The following TMEM68 variants were observed in gnomAD, a reference collection of about 807,000 sequenced individuals.
TMEM68 encodes DGAT1/2-independent enzyme synthesizing storage lipids.
Under a neutral mutation model 36.9 loss-of-function variants are expected in TMEM68, and 25 were observed. The ratio of observed to expected loss-of-function variants is 0.68; its 90% CI spans 0.49 to 0.95. TMEM68 has a LOEUF of 0.95. TMEM68 is among the 40% of genes least tolerant of loss of function. The probability of loss-of-function intolerance (pLI) is 0.00; values close to 1 mark genes in which losing one functional copy is unlikely to be tolerated. For synonymous variants in TMEM68, 131 were observed against 124.4 expected, an observed-to-expected ratio of 1.05 and a Z score of -0.35; for missense variants, 333 against 392.0, an observed-to-expected ratio of 0.85 and a Z score of 1.27.
In TMEM68 at chr8:55,768,638, G is replaced by A. The variant is rs111559060; in HGVS notation, c.-115+4631C>T. Among the ~76,000 whole-genome samples the A allele has an allele frequency of 5.9e-3, 890 of 152,050 alleles. 10 individuals are homozygous for A. The highest frequency in any genetic ancestry group is 0.02 in the African/African-American group (817 of 41,456). On this transcript the variant is annotated intron_variant, in intron 1 of 7. Coordinates refer to ENST00000434581, the MANE Select transcript of TMEM68 (RefSeq NM_001286657.2). Reference sequence around the variant, plus strand: ...GTAGGGGCAGATCACTTGAGGCCAGGAGTTCAAGACCAGCCTGGGCAACAC... The same window carrying A: ...GTAGGGGCAGATCACTTGAGGCCAGAAGTTCAAGACCAGCCTGGGCAACAC...
intron 1 of TMEM68, among the ~76,000 whole-genome samples, chr8:55,770,922 G>A (rs1282343559): frequency 2.0e-5 from 3 of 152,266 alleles, no homozygotes; most frequent in African/African-American, 7.2e-5. Context: ...TTGCGAAGCA[G>A]CGGCAGGAGG....
intron 3 of TMEM68, chr8:55,761,015 TTTAAATAATAAACAA>T (rs1351238532): frequency 6.6e-6 from 1 of 152,214 alleles, no homozygotes; most frequent in Non-Finnish European, 1.5e-5. Flanking sequence ...AGAGTATTTT[TTTAAATAATAAACAA>T]TTGAACTACT....
chr8:55,751,129 A>G lies in TMEM68; in HGVS notation c.522T>C (p.Cys174=), dbSNP rs746535948. The change falls in exon 5 of 8, where the codon TGT becomes TGC. Residue 174 remains cysteine, a synonymous_variant. Coordinates refer to ENST00000434581, the MANE Select transcript of TMEM68 (RefSeq NM_001286657.2). ...ATTTTTCTCTTGGTCCATGTAGAGC[A>G]CAAAACACATCCAGTAATAAACTAA... ...PGFSLLLDVF[C]ALHGPREKCV... 6.2e-7 allele frequency: 1 copy of G among 1,610,414 alleles called. No homozygotes were observed. The highest frequency in any genetic ancestry group is 1.1e-5 in the South Asian group (1 of 90,502).
rs553907980 is a variant in TMEM68 at position 55,762,422 on chromosome 8, T to A, written c.325+213A>T. On this transcript the variant is annotated intron_variant, in intron 3 of 7. Coordinates refer to ENST00000434581, the MANE Select transcript of TMEM68 (RefSeq NM_001286657.2). Reference sequence around the variant, plus strand: ...CTTATAGTCTACAGTGCTGCGTGGTTCTTTGTTTAATGGAAACCAACGTCT... The same window carrying A: ...CTTATAGTCTACAGTGCTGCGTGGTACTTTGTTTAATGGAAACCAACGTCT... 26 of 832,138 alleles carry A rather than the reference T, an allele frequency of 3.1e-5. No homozygotes were observed. The East Asian group carries it at 7.1e-4, about 23-fold the overall frequency. 51.5% of individuals were successfully genotyped at this position (832,138 alleles called of 1,614,324 possible).
intron 1 of TMEM68, among the ~76,000 whole-genome samples, chr8:55,770,951 T>C (rs1376198102): frequency 6.6e-6 from 1 of 151,818 alleles, no homozygotes; most frequent in Non-Finnish European, 1.5e-5. Context: ...AGGTCGGGAG[T>C]TCGAGACCAG....
At chr8:55,769,018 T>TTCAAAAAAAAAAAA (rs1554556017) in intron 1 of TMEM68, among the ~76,000 whole-genome samples, 1 of 82,094 alleles carries the variant, frequency 1.2e-5, no homozygotes, top group African/African-American at 5.0e-5. Flanking sequence ...ACTCTGTCTT[T>TTCAAAAAAAAAAAA]AAAAAAAAAA....
At chr8:55,769,044 G>C (rs1811068370) in intron 1 of TMEM68, among the ~76,000 whole-genome samples, 1 of 97,486 alleles carries the variant, frequency 1.0e-5, no homozygotes, top group African/African-American at 3.5e-5. Context: ...AAAAAAAAGG[G>C]CCAGGCACAG....
intron 1 of TMEM68, among the ~76,000 whole-genome samples, chr8:55,770,945 C>T (rs1301386197): frequency 6.6e-6 from 1 of 152,054 alleles, no homozygotes. Flanking sequence ...CACCTGAGGT[C>T]GGGAGTTCGA....
intron 6 of TMEM68, 117 bp from the exon 7 acceptor site, chr8:55,743,737 G>T: frequency 3.5e-6 from 3 of 851,506 alleles, no homozygotes; most frequent in Non-Finnish European, 5.1e-6. Context: ...ATCACTTCTT[G>T]GCAATTAATA....
intron 5 of TMEM68, 79 bp from the exon 6 acceptor site, chr8:55,745,200 CTTTTTT>C (rs879715126): frequency 1.1e-5 from 9 of 784,972 alleles, no homozygotes; most frequent in Non-Finnish European, 1.6e-5. Flanking sequence ...CTAATGCAAA[CTTTTTT>C]TTTTTAAGAA....
intron 4 of TMEM68, among the ~76,000 whole-genome samples, chr8:55,755,677 C>A (rs908085612): frequency 6.6e-6 from 1 of 151,302 alleles, no homozygotes; most frequent in South Asian, 2.1e-4. Context: ...CTCCAAAAAT[C>A]AGTATTTCAT....
intron 3 of TMEM68, among the ~76,000 whole-genome samples, chr8:55,756,930 G>T (rs997932847): frequency 6.6e-6 from 1 of 152,102 alleles, no homozygotes; most frequent in African/African-American, 2.4e-5. Context: ...ACAGGGCACT[G>T]TACAGAGTGG....
intron 3 of TMEM68, among the ~76,000 whole-genome samples, chr8:55,757,968 C>T (rs13248997): frequency 0.85 from 129,055 of 151,582 alleles, 55,191 homozygotes; most frequent in East Asian, 0.99. Flanking sequence ...CTGAGGAGTG[C>T]TATACCCCAG....
Position 55,749,125 on chromosome 8 carries a change from C to T in TMEM68, c.687+1839G>A, listed in dbSNP as rs112385878. 1.8e-3 allele frequency among the ~76,000 whole-genome samples: 276 copies of T among 152,222 alleles called. 2 individuals are homozygous for T. The highest frequency in any genetic ancestry group is 6.3e-3 in the African/African-American group (261 of 41,520). Reference sequence around the variant, plus strand: ...TCTTTTATATCTGCTATTTACTTTACAATTACAGTAAATGGACTAGTTATC... The same window carrying T: ...TCTTTTATATCTGCTATTTACTTTATAATTACAGTAAATGGACTAGTTATC... On this transcript the variant is annotated intron_variant, in intron 5 of 7. Transcript: ENST00000434581.
intron 1 of TMEM68, among the ~76,000 whole-genome samples, chr8:55,772,362 C>T (rs1018325254): frequency 6.6e-6 from 1 of 152,230 alleles, no homozygotes; most frequent in Non-Finnish European, 1.5e-5. Flanking sequence ...ACTTTCAAGT[C>T]TGAGCTTGTC....
At chr8:55,767,917 C>T (rs1811023953) in intron 1 of TMEM68, among the ~76,000 whole-genome samples, 1 of 151,856 alleles carries the variant, frequency 6.6e-6, no homozygotes, top group South Asian at 2.1e-4. Flanking sequence ...GCCTGGGCAA[C>T]AACAGCGAAA....
intron 3 of TMEM68, among the ~76,000 whole-genome samples, chr8:55,759,601 T>TA (rs1810721220): frequency 6.6e-6 from 1 of 151,718 alleles, no homozygotes; most frequent in East Asian, 1.9e-4. Flanking sequence ...TAAATAAAAC[T>TA]AAAAAATACA....
intron 1 of TMEM68, among the ~76,000 whole-genome samples, chr8:55,771,910 T>C (rs1278069189): frequency 6.6e-6 from 1 of 152,240 alleles, no homozygotes; most frequent in African/African-American, 2.4e-5. Flanking sequence ...TTAGCTTTAA[T>C]ACTTTTTTTA....
chr8:55,767,220 T>G lies in TMEM68; in HGVS notation c.-114-3240A>C, dbSNP rs962958277. 7.0e-4 allele frequency among the ~76,000 whole-genome samples: 106 copies of G among 152,012 alleles called. 1 individual carries two copies. The highest frequency in any genetic ancestry group is 2.5e-4 in the Non-Finnish European group (17 of 67,994). On this transcript the variant is annotated intron_variant, in intron 1 of 7. Coordinates refer to ENST00000434581, the MANE Select transcript of TMEM68 (RefSeq NM_001286657.2). Reference sequence around the variant, plus strand: ...ACGTGTAAAAAAACTCTTAGAAGAGTGCTTTCTACCATATAAGCATTAACT... The same window carrying G: ...ACGTGTAAAAAAACTCTTAGAAGAGGGCTTTCTACCATATAAGCATTAACT...
Sources: gnomAD v4.1 joint callset for allele counts (sites outside exome capture counted in the v4.1 genomes callset) on GRCh38, gnomAD v4.1.1 for gene constraint, MANE v1.5 for transcripts, NCBI Gene and HGNC (gene_info 2026-07-23, HGNC 2026-07-21) for gene names.